The following KCNIP1 variants were observed in gnomAD, a reference collection of about 807,000 sequenced individuals.
KCNIP1 encodes the protein A-type potassium channel modulatory protein KCNIP1.
A neutral mutation model predicts 33.0 loss-of-function variants in KCNIP1; 18 were observed. The observed-to-expected ratio is 0.55, with a 90% CI of 0.38 to 0.81. The LOEUF (loss-of-function observed/expected upper bound fraction) is 0.81. Ranked by LOEUF, KCNIP1 falls within the 30% of genes least tolerant of loss-of-function variation. The pLI is 0.00. For missense variants in KCNIP1, 238 were observed against 271.6 expected (o/e 0.88, Z 0.87); for synonymous variants, 93 against 98.3 (o/e 0.95, Z 0.32).
intron 1 of KCNIP1, among the ~76,000 whole-genome samples, chr5:170,394,438 T>G (rs1754702568): frequency 6.6e-6 from 1 of 152,254 alleles, no homozygotes; most frequent in East Asian, 1.9e-4. Context: ...TAAACAAAGA[T>G]CTTGCGGTTT....
At chr5:170,710,768 C>T (rs1191236061) in intron 1 of KCNIP1, among the ~76,000 whole-genome samples, 1 of 152,238 alleles carries the variant, frequency 6.6e-6, no homozygotes, top group African/African-American at 2.4e-5. Flanking sequence ...TCTTCAGCTT[C>T]TATGCCTTTG....
intron 1 of KCNIP1, chr5:170,385,313 C>A: frequency 6.2e-7 from 1 of 1,614,080 alleles, no homozygotes; most frequent in South Asian, 1.1e-5. Context: ...GAGCTCAGTA[C>A]CTTTTCTGGT....
At chr5:170,602,691 A>T (rs1758742972) in intron 1 of KCNIP1, among the ~76,000 whole-genome samples, 1 of 152,184 alleles carries the variant, frequency 6.6e-6, no homozygotes, top group South Asian at 2.1e-4. Flanking sequence ...AAGGACTAAG[A>T]ACAAACCAGG....
At chr5:170,557,358 A>G (rs1756878250) in intron 1 of KCNIP1, among the ~76,000 whole-genome samples, 1 of 152,194 alleles carries the variant, frequency 6.6e-6, no homozygotes, top group Non-Finnish European at 1.5e-5. Context: ...AGATGGGTCC[A>G]TTGCGAAGTC....
At chr5:170,356,295 C>T (rs551886388) in intron 1 of KCNIP1, among the ~76,000 whole-genome samples, 1 of 152,288 alleles carries the variant, frequency 6.6e-6, no homozygotes, top group East Asian at 1.9e-4. Context: ...TTGTCCCTTG[C>T]AGAACTGAGG....
intron 1 of KCNIP1, among the ~76,000 whole-genome samples, chr5:170,555,101 A>G (rs999712827): frequency 6.6e-6 from 1 of 152,162 alleles, no homozygotes; most frequent in Non-Finnish European, 1.5e-5. Flanking sequence ...TCTTCTCAGA[A>G]CAAGAGTACT....
At chr5:170,619,756 T>C (rs1259208296) in intron 1 of KCNIP1, among the ~76,000 whole-genome samples, 2 of 152,218 alleles carry the variant, frequency 1.3e-5, no homozygotes, top group East Asian at 3.8e-4. Flanking sequence ...GCCTTCTTGG[T>C]ACCTTTGCCA....
intron 1 of KCNIP1, among the ~76,000 whole-genome samples, chr5:170,626,033 T>C (rs561651174): frequency 6.6e-6 from 1 of 152,024 alleles, no homozygotes; most frequent in South Asian, 2.1e-4. Flanking sequence ...TGGCGTGGGA[T>C]AAGGTTGGAG....
At chr5:170,623,210 CT>C (rs59210675) in intron 1 of KCNIP1, among the ~76,000 whole-genome samples, 14,789 of 148,092 alleles carry the variant, frequency 0.1, 803 homozygotes, top group South Asian at 0.13. Context: ...CGACCCCTGT[CT>C]TTTTTTTTTT....
intron 1 of KCNIP1, among the ~76,000 whole-genome samples, chr5:170,420,988 G>T (rs1403458710): frequency 1.3e-5 from 2 of 152,158 alleles, no homozygotes; most frequent in African/African-American, 4.8e-5. Flanking sequence ...CATTTGATTG[G>T]GTTGTTGGTA....
At chr5:170,474,490 A>G (rs1174437997) in intron 1 of KCNIP1, among the ~76,000 whole-genome samples, 1 of 152,184 alleles carries the variant, frequency 6.6e-6, no homozygotes, top group Non-Finnish European at 1.5e-5. Context: ...TGTGGGGGTT[A>G]ACCACCGTTC....
At chr5:170,444,800 T>C (rs974459684) in intron 1 of KCNIP1, among the ~76,000 whole-genome samples, 6 of 152,102 alleles carry the variant, frequency 3.9e-5, no homozygotes, top group Non-Finnish European at 7.4e-5. Flanking sequence ...TGTGATTATC[T>C]GGACAGAATG....
intron 1 of KCNIP1, among the ~76,000 whole-genome samples, chr5:170,366,630 C>A (rs1271152732): frequency 6.6e-6 from 1 of 152,226 alleles, no homozygotes; most frequent in Non-Finnish European, 1.5e-5. Context: ...CAGTGACCAG[C>A]GTGAGACTCC....
chr5:170,594,301 A>G (rs1009316335), intron 1 of KCNIP1, among the ~76,000 whole-genome samples: 9 of 152,202 alleles, frequency 5.9e-5, no homozygotes, highest in African/African-American at 2.2e-4. Flanking sequence ...AGCCAGCCAC[A>G]GTGTGTTGGA....
At chr5:170,382,137 C>A (rs1004041392) in intron 1 of KCNIP1, among the ~76,000 whole-genome samples, 2 of 152,174 alleles carry the variant, frequency 1.3e-5, no homozygotes, top group South Asian at 2.1e-4. Context: ...GCGGCCTTGG[C>A]TCCTCTGTCT....
intron 1 of KCNIP1, among the ~76,000 whole-genome samples, chr5:170,426,768 G>A (rs1243632004): frequency 1.3e-5 from 2 of 152,248 alleles, no homozygotes; most frequent in Non-Finnish European, 2.9e-5. Context: ...GAACTTCTGG[G>A]AAAGCATCTG....
chr5:170,408,776 C>G (rs955287712), intron 1 of KCNIP1, among the ~76,000 whole-genome samples: 2 of 152,222 alleles, frequency 1.3e-5, no homozygotes, highest in South Asian at 4.1e-4. Context: ...GTCAAAAAAA[C>G]CTTAGCTGAA....
chr5:170,631,157 C>G (rs1230716385), intron 1 of KCNIP1, among the ~76,000 whole-genome samples: 1 of 152,160 alleles, frequency 6.6e-6, no homozygotes, highest in Non-Finnish European at 1.5e-5. Context: ...GCGAAATTGC[C>G]TGGTACAAGA....
chr5:170,647,002 T>C (rs1453464729), intron 1 of KCNIP1, among the ~76,000 whole-genome samples: 2 of 152,150 alleles, frequency 1.3e-5, no homozygotes, highest in Non-Finnish European at 2.9e-5. Context: ...ATTGGTAAGG[T>C]ATATCCCAAA....
Sources: allele counts gnomAD v4.1 joint callset (sites outside exome capture counted in the v4.1 genomes callset), GRCh38; gene constraint gnomAD v4.1.1; transcripts MANE v1.5; gene names NCBI Gene and HGNC (gene_info 2026-07-23, HGNC 2026-07-21).